PLA2G15: variants seen among roughly 807,000 people sequenced by gnomAD.
PLA2G15 encodes the protein phospholipase A2 group XV.
Under a neutral mutation model 40.9 loss-of-function variants are expected in PLA2G15, and 20 were observed. The ratio of observed to expected loss-of-function variants is 0.49; its 90% CI spans 0.34 to 0.71. PLA2G15 has a LOEUF of 0.71. Among genes scored for constraint, PLA2G15 ranks in the 30% least tolerant of loss-of-function variants. PLA2G15 has a pLI of 0.01. For synonymous variants in PLA2G15, 223 were observed against 228.2 expected (o/e 0.98, Z 0.21); for missense variants, 471 against 541.9 (o/e 0.87, Z 1.30).
intron 5 of PLA2G15, among the ~76,000 whole-genome samples, chr16:68,258,108 C>A (rs1292720399): frequency 6.6e-6 from 1 of 152,196 alleles, no homozygotes; most frequent in Non-Finnish European, 1.5e-5. Context: ...CAAGTTGCAG[C>A]TTTTACTTCC....
rs1175749953 is a variant in PLA2G15 at position 68,250,174 on chromosome 16, CTTTTTTTTT to C, written c.284+742_284+750del. ...TTGCCTGATAAATGGCTTCCATTCA[CTTTTTTTTT>C]TTTTTTTTTTTTTGGAGACGGAGTT... On this transcript the variant is annotated intron_variant, in intron 2 of 5. Coordinates refer to ENST00000219345, the MANE Select transcript of PLA2G15 (RefSeq NM_012320.4). 14 of 134,276 alleles carry C rather than the reference CTTTTTTTTT, an allele frequency of 1.0e-4. 1 individual carries two copies. Among genetic ancestry groups the C allele is most frequent in the South Asian group, 8.0e-4 (10 of 12,546 alleles). The allele number at this position is 134,276 out of a possible 1,614,324, so 8.3% of individuals were successfully genotyped here. A position where few individuals can be genotyped will look rare whatever the true frequency, so the allele number is the denominator to read the frequency against.
intron 5 of PLA2G15, 66 bp downstream of exon 5, chr16:68,256,056 A>G (rs2042399446): frequency 9.5e-7 from 1 of 1,052,970 alleles, no homozygotes; most frequent in African/African-American, 1.6e-5. Flanking sequence ...TTCCCTTCCT[A>G]AGTGTCCTCC....
Position 68,255,975 on chromosome 16 carries a change from C to T in PLA2G15, c.712C>T (p.Arg238Cys), listed in dbSNP as rs746095666. ...CTGGGGGGGCGTGGCCAAGACCCTGCGCGTCCTGGCTTCAGGTAAGACCCT... is the reference window on the plus strand; with the variant it reads ...CTGGGGGGGCGTGGCCAAGACCCTGTGCGTCCTGGCTTCAGGTAAGACCCT... ...APWGGVAKTL[R>C]VLASGDNNRI... Residue 238 changes from arginine (R) to cysteine (C), a missense_variant, in exon 5 of 6, where the codon CGC becomes TGC. Transcript: ENST00000219345. This position sits in a 1 kb window ranked among gnomAD's most constrained non-coding sequence, Gnocchi z 5.9. 28 of 1,603,362 alleles carry T rather than the reference C, an allele frequency of 1.7e-5. No homozygotes were observed. The highest frequency in any genetic ancestry group is 6.7e-5 in the East Asian group (3 of 44,700).
At chr16:68,252,816 C>G (rs1244529011) in intron 2 of PLA2G15, among the ~76,000 whole-genome samples, 1 of 151,760 alleles carries the variant, frequency 6.6e-6, no homozygotes, top group Non-Finnish European at 1.5e-5. Flanking sequence ...AATAAATAAA[C>G]AAATAAATAA....
At chr16:68,246,366 A>T (rs548028744) in intron 1 of PLA2G15, among the ~76,000 whole-genome samples, 1 of 152,330 alleles carries the variant, frequency 6.6e-6, no homozygotes, top group Admixed American at 6.5e-5. Flanking sequence ...CGTCACTCCC[A>T]TCCAGAGCTG....
Position 68,255,242 on chromosome 16 carries a change from T to C in PLA2G15, c.404-40T>C. The C allele has an allele frequency of 6.8e-7, 1 of 1,461,698 alleles. No homozygotes were observed. Among genetic ancestry groups the C allele is most frequent in the African/African-American group, 1.4e-5 (1 of 72,062 alleles). The allele number at this position is 1,461,698 out of a possible 1,614,324, so 90.5% of individuals were successfully genotyped here. Reference sequence around the variant, plus strand: ...TGGGCATAGTGTAGGTGGCCGGCACTAGCTGTATCTTTTCTTATCCTCTGT... The same window carrying C: ...TGGGCATAGTGTAGGTGGCCGGCACCAGCTGTATCTTTTCTTATCCTCTGT... On this transcript the variant is annotated intron_variant, in intron 3 of 5. Transcript: ENST00000219345. This position sits in a 1 kb window ranked among gnomAD's most constrained non-coding sequence, Gnocchi z 5.9.
Position 68,255,737 on chromosome 16 carries a change from C to T in PLA2G15, c.503-29C>T. 6.3e-7 allele frequency: 1 copy of T among 1,596,276 alleles called. No homozygotes were observed. Among genetic ancestry groups the T allele is most frequent in the Non-Finnish European group, 8.6e-7 (1 of 1,163,846 alleles). On this transcript the variant is annotated intron_variant, in intron 4 of 5. Coordinates refer to ENST00000219345, the MANE Select transcript of PLA2G15 (RefSeq NM_012320.4). This position sits in a 1 kb window ranked among gnomAD's most constrained non-coding sequence, Gnocchi z 5.9. Reference sequence around the variant, plus strand: ...GGTTCCGGCTCCAGGACCCTTCCCACCTGACCCCTGCCTGGCTCTGGCCTG... The same window carrying T: ...GGTTCCGGCTCCAGGACCCTTCCCATCTGACCCCTGCCTGGCTCTGGCCTG...
chr16:68,253,692 T>TTTA (rs1567573145), intron 2 of PLA2G15, among the ~76,000 whole-genome samples: 1 of 84,910 alleles, frequency 1.2e-5, no homozygotes, highest in African/African-American at 5.3e-5. Flanking sequence ...TTTTGTTTTG[T>TTTA]TTTTTTTTTT....
rs960451000 is a variant in PLA2G15 at position 68,255,554 on chromosome 16, C to T, written c.502+174C>T. On this transcript the variant is annotated intron_variant, in intron 4 of 5. Coordinates refer to ENST00000219345, the MANE Select transcript of PLA2G15 (RefSeq NM_012320.4). This position sits in a 1 kb window ranked among gnomAD's most constrained non-coding sequence, Gnocchi z 5.9. Reference sequence around the variant, plus strand: ...CCTTTGGTCAGTCTTATCCTGTCCTCCATTTCCCACCCTGGGACCTCTGGG... The same window carrying T: ...CCTTTGGTCAGTCTTATCCTGTCCTTCATTTCCCACCCTGGGACCTCTGGG... The T allele has an allele frequency of 1.6e-6, 1 of 638,758 alleles. No homozygotes were observed. The highest frequency in any genetic ancestry group is 1.8e-5 in the African/African-American group (1 of 54,548). 39.6% of individuals were successfully genotyped at this position (638,758 alleles called of 1,614,324 possible).
chr16:68,245,402 G>T lies in PLA2G15; in HGVS notation c.-25G>T. The stretch of plus-strand genomic sequence containing the variant: ...GCCCAGAGAGCTGAACCTGCATCCC[G>T]GACCTGCGGCGACCGTCGTACACCA... On this transcript the variant is annotated 5_prime_UTR_variant, in exon 1 of 6. Transcript: ENST00000219345. The T allele has an allele frequency of 6.2e-7, 1 of 1,600,206 alleles. No individual in the cohort carries two copies. Among genetic ancestry groups the T allele is most frequent in the Non-Finnish European group, 8.5e-7 (1 of 1,178,850 alleles).
At chr16:68,249,656 T>C (rs1425678165) in intron 2 of PLA2G15, among the ~76,000 whole-genome samples, 1 of 152,150 alleles carries the variant, frequency 6.6e-6, no homozygotes, top group Non-Finnish European at 1.5e-5. Context: ...TCCTCTACTC[T>C]CCAGTCCTGG....
rs8053594 is a variant in PLA2G15 at position 68,251,597 on chromosome 16, G to A, written c.284+2151G>A. On this transcript the variant is annotated intron_variant, in intron 2 of 5. Transcript: ENST00000219345. ...GTCAGGAGTCTGAGGCAGGAGAAAC[G>A]CTTGAACCTGGGTGGTGGAAGTTGC... Among the ~76,000 whole-genome samples, 554 of 152,186 alleles carry A rather than the reference G, an allele frequency of 3.6e-3. 2 individuals are homozygous for A. The highest frequency in any genetic ancestry group is 0.012 in the African/African-American group (510 of 41,510).
At chr16:68,252,588 G>A (rs1257359509) in intron 2 of PLA2G15, 1 of 456,024 alleles carries the variant, frequency 2.2e-6, no homozygotes, top group East Asian at 6.9e-5. Context: ...GTCTGGTTCT[G>A]TTTGGCACTG....
rs767096257 is a variant in PLA2G15 at position 68,259,322 on chromosome 16, A to T, written c.904A>T (p.Ile302Phe). ...GGACTACCGCAAGTTCTTCCAGGAC[A>T]TCGGCTTTGAAGATGGCTGGCTCAT... ...LRDYRKFFQDIGFEDGWLMRQ... is the reference protein window; with the variant it reads ...LRDYRKFFQDFGFEDGWLMRQ... Residue 302 changes from isoleucine to phenylalanine, a missense_variant, in exon 6 of 6, where the codon ATC (isoleucine) becomes TTC (phenylalanine). Coordinates refer to ENST00000219345, the MANE Select transcript of PLA2G15 (RefSeq NM_012320.4). This position sits in a 1 kb window ranked among gnomAD's most constrained non-coding sequence, Gnocchi z 6.5. 1.2e-6 allele frequency: 2 copies of T among 1,613,934 alleles called. No individual in the cohort carries two copies. The highest frequency in any genetic ancestry group is 1.7e-5 in the Admixed American group (1 of 60,004).
In PLA2G15 at chr16:68,249,279, GC is replaced by G; in HGVS notation, c.128-6del. The G allele has an allele frequency of 1.2e-6, 2 of 1,613,754 alleles. No homozygotes were observed. Among genetic ancestry groups the G allele is most frequent in the Non-Finnish European group, 1.7e-6 (2 of 1,179,722 alleles). ...GGCTGAGGGCTCACACATGTCCTGT[GC>G]CCCCTGCAGTCCCTGGTGATTTGGG... On this transcript the variant is annotated splice_polypyrimidine_tract_variant and intron_variant, in intron 1 of 5. Coordinates refer to ENST00000219345, the MANE Select transcript of PLA2G15 (RefSeq NM_012320.4).
At chr16:68,245,658 T>C (rs2042302973) in intron 1 of PLA2G15, 105 bp downstream of exon 1, 3 of 1,258,278 alleles carry the variant, frequency 2.4e-6, no homozygotes, top group Non-Finnish European at 3.3e-6. Flanking sequence ...TGGGGGAGCG[T>C]ATTGGTATCT....
chr16:68,255,178 A>T lies in PLA2G15; in HGVS notation c.404-104A>T. The T allele has an allele frequency of 9.8e-7, 1 of 1,017,940 alleles. No individual in the cohort carries two copies. The highest frequency in any genetic ancestry group is 1.5e-6 in the Non-Finnish European group (1 of 647,838). The allele number at this position is 1,017,940 out of a possible 1,614,324, so 63.1% of individuals were successfully genotyped here. A position where few individuals can be genotyped will look rare whatever the true frequency, so the allele number is the denominator to read the frequency against. On this transcript the variant is annotated intron_variant, in intron 3 of 5. Transcript: ENST00000219345. The surrounding 1 kb of genome is among the most constrained non-coding windows in gnomAD (Gnocchi z 5.9). ...CAGCGTGGGCACAGAGCCCTGTAGC[A>T]TTCTTCCAAGGACCTGCTAGCTGTC...
intron 2 of PLA2G15, among the ~76,000 whole-genome samples, chr16:68,253,745 A>G (rs2042375937): frequency 6.9e-6 from 1 of 145,138 alleles, no homozygotes; most frequent in African/African-American, 2.6e-5. Context: ...GCTGGTGTGC[A>G]GTGGCATGAT....
intron 2 of PLA2G15, chr16:68,253,334 A>G: frequency 2.6e-6 from 1 of 382,216 alleles, no homozygotes. Flanking sequence ...CCACCCATAC[A>G]GCAGCCCTGA....
Sources: allele counts gnomAD v4.1 joint callset (sites outside exome capture counted in the v4.1 genomes callset), GRCh38; gene constraint gnomAD v4.1.1; non-coding constraint Gnocchi (gnomAD v3.1); transcripts MANE v1.5; gene names NCBI Gene and HGNC (gene_info 2026-07-23, HGNC 2026-07-21).